SAMD12: variants seen among roughly 807,000 people sequenced by gnomAD.
The protein encoded by SAMD12 is sterile alpha motif domain containing 12, also known as sterile alpha motif domain-containing protein 12.
A neutral mutation model predicts 15.0 loss-of-function variants in SAMD12; 9 were observed. The observed-to-expected ratio is 0.60, with a 90% CI of 0.36 to 1.05. The LOEUF (loss-of-function observed/expected upper bound fraction) is 1.05, where lower values mean the gene tolerates loss of function less well. Ranked by LOEUF, SAMD12 falls within the 50% of genes least tolerant of loss-of-function variation. The pLI is 0.01. For synonymous variants in SAMD12, 86 were observed against 90.1 expected, an observed-to-expected ratio of 0.96 and a Z score of 0.25; for missense variants, 230 against 234.2, an observed-to-expected ratio of 0.98 and a Z score of 0.12.
chr8:118,495,184 C>T (rs1824573068), intron 2 of SAMD12, among the ~76,000 whole-genome samples: 1 of 152,134 alleles, frequency 6.6e-6, no homozygotes, highest in Admixed American at 6.6e-5. Context: ...ACGTATGAAA[C>T]TGGAAGAGAA....
chr8:118,229,017 C>T (rs1356793289), intron 4 of SAMD12, among the ~76,000 whole-genome samples: 1 of 152,082 alleles, frequency 6.6e-6, no homozygotes, highest in Non-Finnish European at 1.5e-5. Context: ...GACTATTATT[C>T]TAAGTGAAGT....
intron 2 of SAMD12, among the ~76,000 whole-genome samples, chr8:118,445,620 A>C (rs1310512623): frequency 6.6e-6 from 1 of 152,182 alleles, no homozygotes; most frequent in Non-Finnish European, 1.5e-5. Flanking sequence ...CTTAAACATT[A>C]AGTTTTAAGT....
the SAMD12 span, among the ~76,000 whole-genome samples, chr8:118,143,002 G>T: frequency 6.6e-6 from 1 of 152,190 alleles, no homozygotes; most frequent in Non-Finnish European, 1.5e-5. Flanking sequence ...AAGGAAGTAT[G>T]ATGGTAAACC....
At chr8:118,424,104 G>T (rs1049957610) in intron 3 of SAMD12, among the ~76,000 whole-genome samples, 3 of 152,062 alleles carry the variant, frequency 2.0e-5, no homozygotes, top group Non-Finnish European at 4.4e-5. Flanking sequence ...ATTTTCATGG[G>T]CTGGAGAAAT....
At chr8:118,240,706 T>C (rs1812543356) in intron 4 of SAMD12, among the ~76,000 whole-genome samples, 1 of 152,132 alleles carries the variant, frequency 6.6e-6, no homozygotes, top group Non-Finnish European at 1.5e-5. Context: ...AAAATACTGA[T>C]TCTTCTTAAA....
At chr8:118,580,508 T>A (rs1379819063) in intron 2 of SAMD12, among the ~76,000 whole-genome samples, 4 of 152,206 alleles carry the variant, frequency 2.6e-5, no homozygotes, top group African/African-American at 9.6e-5. Flanking sequence ...ACTATGAGAC[T>A]GGCCACAAAC....
chr8:118,453,426 C>T (rs1339567485), intron 2 of SAMD12, among the ~76,000 whole-genome samples: 4 of 152,146 alleles, frequency 2.6e-5, no homozygotes, highest in Non-Finnish European at 1.5e-5. Context: ...AGTAAATAGA[C>T]TTTCTTTTTT....
In SAMD12 at chr8:118,379,163, C is replaced by A. The variant is rs749594141; in HGVS notation, c.*254G>T. 274 of 1,223,664 alleles carry A rather than the reference C, an allele frequency of 2.2e-4. No homozygotes were observed. The highest frequency in any genetic ancestry group is 3.8e-4 in the Admixed American group (10 of 26,342). 75.8% of individuals were successfully genotyped at this position (1,223,664 alleles called of 1,614,324 possible). A position where few individuals can be genotyped will look rare whatever the true frequency, so the allele number is the denominator to read the frequency against. Reference sequence around the variant, plus strand: ...TCACTCAAATGCTAAAGCGCCCTCACAATTGGCGCAGGTGAAGATAGCTAC... The same window carrying A: ...TCACTCAAATGCTAAAGCGCCCTCAAAATTGGCGCAGGTGAAGATAGCTAC... On this transcript the variant is annotated 3_prime_UTR_variant, in exon 4 of 4. Coordinates refer to ENST00000314727, the MANE Select transcript of SAMD12 (RefSeq NM_207506.3).
intron 3 of SAMD12, among the ~76,000 whole-genome samples, chr8:118,398,634 T>C (rs1362844780): frequency 6.6e-6 from 1 of 152,106 alleles, no homozygotes; most frequent in Non-Finnish European, 1.5e-5. Context: ...TCCACTTATA[T>C]ACAGTTCTAG....
intron 4 of SAMD12, among the ~76,000 whole-genome samples, chr8:118,301,464 T>A (rs1815022412): frequency 6.6e-6 from 1 of 152,186 alleles, no homozygotes; most frequent in Non-Finnish European, 1.5e-5. Context: ...CATAAGCCCA[T>A]AAATGAATGC....
At chr8:118,600,131 T>C (rs1827824266) in intron 1 of SAMD12, among the ~76,000 whole-genome samples, 1 of 152,218 alleles carries the variant, frequency 6.6e-6, no homozygotes, top group Non-Finnish European at 1.5e-5. Context: ...GTGCTGGTTT[T>C]CTAACCTTGT....
At chr8:118,292,550 G>A (rs1435974977) in intron 4 of SAMD12, among the ~76,000 whole-genome samples, 1 of 151,690 alleles carries the variant, frequency 6.6e-6, no homozygotes, top group Non-Finnish European at 1.5e-5. Context: ...CCCATTACTG[G>A]GTATATACCC....
At chr8:118,565,688 G>A (rs149847865) in intron 2 of SAMD12, among the ~76,000 whole-genome samples, 204 of 152,124 alleles carry the variant, frequency 1.3e-3, no homozygotes, top group Middle Eastern at 0.01. Flanking sequence ...CAATTAATAC[G>A]GCCAAAATGA....
At chr8:118,593,736 CAGAGA>C (rs1319187439) in intron 1 of SAMD12, among the ~76,000 whole-genome samples, 3 of 152,002 alleles carry the variant, frequency 2.0e-5, no homozygotes, top group Non-Finnish European at 4.4e-5. Context: ...TTAAAAAGAA[CAGAGA>C]AAAGTAGAAT....
At position 118,379,389 on chromosome 8, in the gene SAMD12, T is replaced by C. The variant is rs776981480; in HGVS notation, c.*28A>G. Reference sequence around the variant, plus strand: ...GTGCATCCTTCTCCCTAGTGAGCTATGAAAAAAGTTTTCAAAGGGAAGTAA... The same window carrying C: ...GTGCATCCTTCTCCCTAGTGAGCTACGAAAAAAGTTTTCAAAGGGAAGTAA... On this transcript the variant is annotated 3_prime_UTR_variant, in exon 4 of 4. Coordinates refer to ENST00000314727, the MANE Select transcript of SAMD12 (RefSeq NM_207506.3). 1.7e-5 allele frequency: 27 copies of C among 1,605,492 alleles called. No individual in the cohort carries two copies. Among genetic ancestry groups the C allele is most frequent in the South Asian group, 1.5e-4 (14 of 90,396 alleles).
intron 3 of SAMD12, among the ~76,000 whole-genome samples, chr8:118,426,818 G>T (rs538504367): frequency 2.0e-5 from 3 of 152,162 alleles, no homozygotes; most frequent in Non-Finnish European, 4.4e-5. Context: ...TGAGTATTTT[G>T]TGTTAAAATT....
intron 4 of SAMD12, among the ~76,000 whole-genome samples, chr8:118,248,092 T>C (rs532755138): frequency 1.3e-5 from 2 of 152,176 alleles, no homozygotes; most frequent in African/African-American, 4.8e-5. Context: ...AGGTAAGAGA[T>C]AAAGACACTG....
chr8:118,162,052 C>T, the SAMD12 span, among the ~76,000 whole-genome samples: 2 of 150,672 alleles, frequency 1.3e-5, no homozygotes, highest in African/African-American at 4.9e-5. Flanking sequence ...CCCAGCTACT[C>T]GGGAGGCTGA....
exon 5 of SAMD12, chr8:118,191,769 TA>T (rs1819386734): frequency 6.3e-5 from 1 of 15,984 alleles, no homozygotes; most frequent in African/African-American, 5.0e-4. Flanking sequence ...TATATATATA[TA>T]TATATATATA....
Sources: gnomAD v4.1 joint callset for allele counts (sites outside exome capture counted in the v4.1 genomes callset) on GRCh38, gnomAD v4.1.1 for gene constraint, MANE v1.5 for transcripts, NCBI Gene and HGNC (gene_info 2026-07-23, HGNC 2026-07-21) for gene names.